REPS2: variants seen among roughly 807,000 people sequenced by gnomAD.
REPS2 encodes the protein ralBP1-associated Eps domain-containing protein 2.
A neutral mutation model predicts 53.6 loss-of-function variants in REPS2; 23 were observed. The observed-to-expected ratio is 0.43, with a 90% CI of 0.31 to 0.61. The LOEUF (loss-of-function observed/expected upper bound fraction) is 0.61, where lower values mean the gene tolerates loss of function less well. REPS2 is among the 20% of genes least tolerant of loss of function. The probability of loss-of-function intolerance (pLI) is 0.11; values close to 1 mark genes in which losing one functional copy is unlikely to be tolerated. For missense variants in REPS2, 446 were observed against 534.9 expected (o/e 0.83, Z 1.64); for synonymous variants, 238 against 218.6 (o/e 1.09, Z -0.78).
chrX:17,169,445 C>T, the REPS2 span, among the ~76,000 whole-genome samples: 22 of 111,137 alleles, frequency 2.0e-4, no homozygotes, highest in Non-Finnish European at 2.1e-4. Flanking sequence ...TCTGGGGGAC[C>T]GAGGCAAGAG....
chrX:17,172,159 C>G, the REPS2 span, among the ~76,000 whole-genome samples: 22 of 111,992 alleles, frequency 2.0e-4, no homozygotes, highest in African/African-American at 6.5e-4. Context: ...GGCTTAGAAT[C>G]CTGGCCATGT....
intron 12 of REPS2, among the ~76,000 whole-genome samples, chrX:17,075,339 C>T (rs1195695860): frequency 8.9e-6 from 1 of 112,078 alleles, no homozygotes; most frequent in Non-Finnish European, 1.9e-5. Flanking sequence ...CTGCTGACTT[C>T]CTCTCTCCCT....
At chrX:17,172,963 CTGTG>C in the REPS2 span, among the ~76,000 whole-genome samples, 5 of 80,064 alleles carry the variant, frequency 6.2e-5, no homozygotes, top group African/African-American at 1.9e-4. Context: ...ATTTTTCAGT[CTGTG>C]TGTATGTATG....
At chrX:17,019,709 C>T (rs1265875337) in intron 2 of REPS2, among the ~76,000 whole-genome samples, 2 of 111,063 alleles carry the variant, frequency 1.8e-5, no homozygotes, top group Admixed American at 9.6e-5. Context: ...CACCTGGAGT[C>T]CCAGCTACTT....
At chrX:17,182,144 A>G in the REPS2 span, among the ~76,000 whole-genome samples, 2,549 of 42,132 alleles carry the variant, frequency 0.061, 32 homozygotes, top group Middle Eastern at 0.12. Context: ...CTATCTGTCT[A>G]TCTATCTATC....
intron 5 of REPS2, among the ~76,000 whole-genome samples, chrX:17,038,234 C>A (rs1274739498): frequency 8.9e-6 from 1 of 112,320 alleles, no homozygotes; most frequent in Non-Finnish European, 1.9e-5. Context: ...AAACATGGTA[C>A]CATGTAGCAA....
At chrX:16,979,820 G>GT (rs996097224) in intron 1 of REPS2, among the ~76,000 whole-genome samples, 5 of 108,789 alleles carry the variant, frequency 4.6e-5, no homozygotes, top group Non-Finnish European at 9.5e-5. Flanking sequence ...CCACACATGG[G>GT]TTTTTTACCT....
chrX:17,122,496 A>C (rs1181978144), intron 14 of REPS2, among the ~76,000 whole-genome samples: 2 of 111,944 alleles, frequency 1.8e-5, no homozygotes, highest in African/African-American at 6.5e-5. Context: ...TGCTGTGAAC[A>C]CTCGTATCCA....
At chrX:17,073,568 CAT>C (rs1361747698) in intron 11 of REPS2, among the ~76,000 whole-genome samples, 2 of 111,437 alleles carry the variant, frequency 1.8e-5, no homozygotes, top group Non-Finnish European at 3.8e-5. Context: ...TGGTCACAGA[CAT>C]GTGGGACACA....
chrX:17,058,248 A>G (rs763327936), intron 8 of REPS2, among the ~76,000 whole-genome samples: 7 of 110,913 alleles, frequency 6.3e-5, no homozygotes, highest in Admixed American at 5.8e-4. Context: ...GGAGGTCAGG[A>G]GTTTGAGACC....
chrX:16,947,231 G>A, intron 1 of REPS2, 97 bp downstream of exon 1: 1 of 921,311 alleles, frequency 1.1e-6, no homozygotes, highest in South Asian at 4.7e-5. Flanking sequence ...CCAGGGACCC[G>A]GAGGCCTCGG....
chrX:17,023,326 G>A (rs1376060021), intron 3 of REPS2, among the ~76,000 whole-genome samples: 1 of 110,621 alleles, frequency 9.0e-6, no homozygotes, highest in African/African-American at 3.3e-5. Flanking sequence ...TACTTGGAAG[G>A]CTGAGGCAGG....
chrX:17,043,513 C>A (rs980081985), intron 5 of REPS2, among the ~76,000 whole-genome samples: 13 of 108,500 alleles, frequency 1.2e-4, no homozygotes, highest in East Asian at 2.9e-4. Context: ...TGCCCCCCCC[C>A]CCGGCTTTGT....
intron 7 of REPS2, among the ~76,000 whole-genome samples, chrX:17,054,215 T>G (rs768141343): frequency 1.8e-5 from 2 of 112,804 alleles, no homozygotes; most frequent in African/African-American, 3.2e-5. Context: ...AGTTTTATCC[T>G]AAAACATAAT....
the REPS2 span, among the ~76,000 whole-genome samples, chrX:17,173,777 C>G: frequency 2.7e-5 from 3 of 111,865 alleles, no homozygotes; most frequent in Non-Finnish European, 5.6e-5. Context: ...CCCTATTACC[C>G]TTGTGGTTCA....
intron 1 of REPS2, among the ~76,000 whole-genome samples, chrX:16,948,567 C>T (rs1206633148): frequency 8.9e-6 from 1 of 112,292 alleles, no homozygotes; most frequent in African/African-American, 3.2e-5. Flanking sequence ...TGAGGCTATG[C>T]AGCAAGTAAG....
At chrX:17,067,091 C>G (rs2062235113) in intron 9 of REPS2, among the ~76,000 whole-genome samples, 1 of 111,949 alleles carries the variant, frequency 8.9e-6, no homozygotes, top group Non-Finnish European at 1.9e-5. Flanking sequence ...TACAATTTAT[C>G]TTTATTTAAT....
chrX:17,034,430 G>A (rs1484556898), intron 5 of REPS2, among the ~76,000 whole-genome samples: 1 of 110,995 alleles, frequency 9.0e-6, no homozygotes. Flanking sequence ...CCGAGTAGCT[G>A]GGATTACAGG....
At chrX:16,965,327 C>G (rs1470090837) in intron 1 of REPS2, among the ~76,000 whole-genome samples, 1 of 111,853 alleles carries the variant, frequency 8.9e-6, no homozygotes, top group African/African-American at 3.3e-5. Context: ...GACCCCCCCA[C>G]CTCCCTCCCG....
Sources: allele counts gnomAD v4.1 joint callset (sites outside exome capture counted in the v4.1 genomes callset), GRCh38; gene constraint gnomAD v4.1.1; transcripts MANE v1.5; gene names NCBI Gene and HGNC (gene_info 2026-07-23, HGNC 2026-07-21).